CENPK: variants seen among roughly 807,000 people sequenced by gnomAD.
The protein encoded by CENPK is SoxLZ/Sox6-binding protein Solt.
Under a neutral mutation model 40.9 loss-of-function variants are expected in CENPK, and 46 were observed. That is an observed-to-expected ratio of 1.13 (90% CI 0.89 to 1.44). CENPK has a LOEUF of 1.44. CENPK is among the 40% of genes most tolerant of loss of function. CENPK has a pLI of 0.00. For synonymous variants in CENPK, 107 were observed against 104.4 expected, an observed-to-expected ratio of 1.02 and a Z score of -0.15; for missense variants, 288 against 303.5, an observed-to-expected ratio of 0.95 and a Z score of 0.38.
At chr5:65,533,103 T>G (rs1478952795) in intron 6 of CENPK, among the ~76,000 whole-genome samples, 1 of 151,932 alleles carries the variant, frequency 6.6e-6, no homozygotes, top group African/African-American at 2.4e-5. Flanking sequence ...CTCATGCCTG[T>G]AATCTCAGCA....
chr5:65,540,225 A>G (rs1212125246), intron 6 of CENPK, among the ~76,000 whole-genome samples: 2 of 152,314 alleles, frequency 1.3e-5, no homozygotes, highest in East Asian at 3.9e-4. Flanking sequence ...TTTACTATAC[A>G]GTCAAGAGAA....
chr5:65,536,631 AAT>A (rs918180812), intron 6 of CENPK, among the ~76,000 whole-genome samples: 1 of 136,676 alleles, frequency 7.3e-6, no homozygotes, highest in Non-Finnish European at 1.6e-5. Flanking sequence ...TCAAAGAAAA[AAT>A]ATATATATAT....
At chr5:65,555,585 T>C (rs155062) in intron 2 of CENPK, among the ~76,000 whole-genome samples, 90,193 of 152,074 alleles carry the variant, frequency 0.59, 27,102 homozygotes, top group Non-Finnish European at 0.63. Flanking sequence ...GCAGTAAGGA[T>C]AGAAGCAGGA....
chr5:65,503,680 CAG>C, the CENPK span, among the ~76,000 whole-genome samples: 1 of 147,468 alleles, frequency 6.8e-6, no homozygotes, highest in African/African-American at 2.5e-5. Context: ...TTTTTTGAGA[CAG>C]AGTCTCACTC....
intron 9 of CENPK, among the ~76,000 whole-genome samples, chr5:65,526,182 G>A (rs193136901): frequency 4.6e-5 from 7 of 152,116 alleles, no homozygotes; most frequent in Admixed American, 4.6e-4. Context: ...GGTTCTATTA[G>A]TGGAGCAACA....
At chr5:65,551,213 G>GTAC in intron 5 of CENPK, 1 of 348,858 alleles carries the variant, frequency 2.9e-6, no homozygotes, top group South Asian at 2.0e-5. Flanking sequence ...TTGTGCCACT[G>GTAC]TACTCCAGCC....
intron 6 of CENPK, among the ~76,000 whole-genome samples, chr5:65,538,861 T>G (rs1156369357): frequency 6.6e-6 from 1 of 152,192 alleles, no homozygotes; most frequent in East Asian, 1.9e-4. Flanking sequence ...GCTAAGAAGA[T>G]TTAACCATCT....
intron 10 of CENPK, among the ~76,000 whole-genome samples, chr5:65,520,070 T>A (rs1743433134): frequency 6.6e-6 from 1 of 152,132 alleles, no homozygotes; most frequent in South Asian, 2.1e-4. Flanking sequence ...TAATCCCCAA[T>A]GTTGGAGGTG....
At chr5:65,502,050 A>T in the CENPK span, among the ~76,000 whole-genome samples, 1 of 152,152 alleles carries the variant, frequency 6.6e-6, no homozygotes, top group Non-Finnish European at 1.5e-5. Flanking sequence ...TGATCACCCC[A>T]GGGGCAGGAC....
chr5:65,503,001 A>G, the CENPK span, among the ~76,000 whole-genome samples: 2 of 150,840 alleles, frequency 1.3e-5, no homozygotes, highest in South Asian at 2.1e-4. Context: ...GTTTCACCAC[A>G]TTGGCCAGGT....
Position 65,528,689 on chromosome 5 carries a change from A to T in CENPK, c.471-111T>A, listed in dbSNP as rs911787066. ...AACTTTGTTAAAACTTCATTTGCTC[A>T]AACCAAATAACTACCTTTTTGAAAA... On this transcript the variant is annotated intron_variant, in intron 8 of 10. Coordinates refer to ENST00000396679, the MANE Select transcript of CENPK (RefSeq NM_022145.5). 26 of 1,274,998 alleles carry T rather than the reference A, an allele frequency of 2.0e-5. No homozygotes were observed. In the African/African-American group the frequency reaches 4.0e-4, roughly 20 times the overall value. The allele number at this position is 1,274,998 out of a possible 1,614,324, so 79.0% of individuals were successfully genotyped here. A position where few individuals can be genotyped will look rare whatever the true frequency, so the allele number is the denominator to read the frequency against.
intron 9 of CENPK, among the ~76,000 whole-genome samples, chr5:65,527,828 G>C (rs560645156): frequency 6.6e-6 from 1 of 152,060 alleles, no homozygotes. Flanking sequence ...TTAATCATCA[G>C]TGTTTTATTC....
At chr5:65,526,970 G>A (rs1744817077) in intron 9 of CENPK, among the ~76,000 whole-genome samples, 1 of 152,110 alleles carries the variant, frequency 6.6e-6, no homozygotes, top group Non-Finnish European at 1.5e-5. Flanking sequence ...GCACGCGTTT[G>A]TAGTCCCATC....
intron 2 of CENPK, among the ~76,000 whole-genome samples, chr5:65,556,647 T>C (rs1386373236): frequency 6.6e-6 from 1 of 152,176 alleles, no homozygotes; most frequent in East Asian, 1.9e-4. Context: ...AAAATAAATT[T>C]AGTATAGCCT....
chr5:65,500,736 C>T, the CENPK span, among the ~76,000 whole-genome samples: 5 of 152,260 alleles, frequency 3.3e-5, no homozygotes, highest in South Asian at 4.1e-4. Flanking sequence ...AATCTTGGCT[C>T]GCTGCAACTT....
chr5:65,519,421 A>T (rs1483244654), intron 10 of CENPK, among the ~76,000 whole-genome samples: 1 of 152,206 alleles, frequency 6.6e-6, no homozygotes, highest in Non-Finnish European at 1.5e-5. Flanking sequence ...CTAAATGTAG[A>T]TCAATTATTA....
the CENPK span, among the ~76,000 whole-genome samples, chr5:65,512,177 G>T: frequency 2.0e-5 from 3 of 152,074 alleles, no homozygotes; most frequent in Non-Finnish European, 4.4e-5. Context: ...CCATGGATGA[G>T]CAAAAAATGG....
downstream of CENPK, among the ~76,000 whole-genome samples, chr5:65,516,308 T>C (rs114119671): frequency 2.0e-5 from 3 of 152,354 alleles, no homozygotes; most frequent in African/African-American, 4.8e-5. Flanking sequence ...TAAATTACTA[T>C]ATTTGTTAAT....
At chr5:65,532,634 C>T (rs10461504) in intron 6 of CENPK, among the ~76,000 whole-genome samples, 104,004 of 151,700 alleles carry the variant, frequency 0.69, 36,157 homozygotes, top group East Asian at 0.89. Flanking sequence ...AGAGATGGGA[C>T]GGTGGTGGGT....
Sources: gnomAD v4.1 joint callset for allele counts (sites outside exome capture counted in the v4.1 genomes callset) on GRCh38, gnomAD v4.1.1 for gene constraint, MANE v1.5 for transcripts, NCBI Gene and HGNC (gene_info 2026-07-23, HGNC 2026-07-21) for gene names.